CNTNAP3: variants seen among roughly 807,000 people sequenced by gnomAD.
CNTNAP3 encodes the protein contactin-associated protein-like 3.
In CNTNAP3, 36 loss-of-function variants were observed where a neutral mutation model predicts 92.1. The ratio of observed to expected loss-of-function variants is 0.39; its 90% CI spans 0.30 to 0.52. CNTNAP3 has a LOEUF of 0.52. Among genes scored for constraint, CNTNAP3 ranks in the 20% least tolerant of loss-of-function variants. CNTNAP3 has a pLI of 0.76. For missense variants in CNTNAP3, 534 were observed against 1,069.6 expected (o/e 0.50, Z 6.98); for synonymous variants, 232 against 422.3 (o/e 0.55, Z 5.53).
rs1318955016 is a variant in CNTNAP3, at chr9:39,071,157, A to G, written c.*2733T>C. Reference sequence around the variant, plus strand: ...ATGACTTATCCTACTCCATGTCTCTATTACAATGAAAGATCATACACAGTC... The same window carrying G: ...ATGACTTATCCTACTCCATGTCTCTGTTACAATGAAAGATCATACACAGTC... On this transcript the variant is annotated 3_prime_UTR_variant, in exon 24 of 24. Coordinates refer to ENST00000297668, the MANE Select transcript of CNTNAP3 (RefSeq NM_033655.5). Among the ~76,000 whole-genome samples, 1 of 152,136 alleles carries G rather than the reference A, an allele frequency of 6.6e-6. No individual in the cohort carries two copies. The highest frequency in any genetic ancestry group is 2.4e-5 in the African/African-American group (1 of 41,412).
At chr9:39,092,738 CGTTTTT>C (rs1826234743) in intron 18 of CNTNAP3, among the ~76,000 whole-genome samples, 1 of 135,886 alleles carries the variant, frequency 7.4e-6, no homozygotes, top group African/African-American at 2.7e-5. Context: ...AGAATGATTG[CGTTTTT>C]ATTTTTTTCA....
chr9:39,087,641 C>T (rs1016136192), intron 19 of CNTNAP3, among the ~76,000 whole-genome samples: 1 of 152,132 alleles, frequency 6.6e-6, no homozygotes, highest in African/African-American at 2.4e-5. Context: ...TGCCCACCAC[C>T]ATGCCCGGCT....
In CNTNAP3 at chr9:39,114,035, T is replaced by TACACACACAC. The variant is rs767827479; in HGVS notation, c.2237+4058_2237+4067dup. On this transcript the variant is annotated intron_variant, in intron 14 of 23. Transcript: ENST00000297668. ...ACACACATATATATACACACATATA[T>TACACACACAC]ACACACACACACACACACACATATA... Among the ~76,000 whole-genome samples the TACACACACAC allele has an allele frequency of 1.8e-3, 258 of 141,528 alleles. 2 individuals carry two copies. Among genetic ancestry groups the TACACACACAC allele is most frequent in the African/African-American group, 6.7e-3 (242 of 36,028 alleles). 92.8% of individuals were successfully genotyped at this position (141,528 alleles called of 152,430 possible).
intron 12 of CNTNAP3, among the ~76,000 whole-genome samples, chr9:39,138,565 C>G (rs1821497561): frequency 6.6e-6 from 1 of 152,318 alleles, no homozygotes; most frequent in Middle Eastern, 3.4e-3. Context: ...TGGTGTACTT[C>G]AAGATGGTTC....
At position 39,066,863 on chromosome 9, in the gene CNTNAP3, T is replaced by C; in HGVS notation, c.*7027A>G. Among the ~76,000 whole-genome samples, 1 of 152,258 alleles carries C rather than the reference T, an allele frequency of 6.6e-6. No individual in the cohort carries two copies. The highest frequency in any genetic ancestry group is 1.5e-5 in the Non-Finnish European group (1 of 68,044). On this transcript the variant is annotated 3_prime_UTR_variant, in exon 24 of 24. Transcript: ENST00000297668. ...TCTTAATAGCACCCCTACTTGGGGATGTTGAGCTGGGTCTGTGGGTTTATA... is the reference window on the plus strand; with the variant it reads ...TCTTAATAGCACCCCTACTTGGGGACGTTGAGCTGGGTCTGTGGGTTTATA...
At chr9:39,108,280 C>A (rs543121022) in intron 15 of CNTNAP3, among the ~76,000 whole-genome samples, 16 of 152,070 alleles carry the variant, frequency 1.1e-4, no homozygotes, top group Admixed American at 3.3e-4. Flanking sequence ...GGTCCCCCCC[C>A]TCTCTGGGGA....
chr9:39,168,183 A>AT (rs1049354911), intron 8 of CNTNAP3, among the ~76,000 whole-genome samples: 4 of 133,444 alleles, frequency 3.0e-5, no homozygotes, highest in South Asian at 4.9e-4. Context: ...CGCCTGGCTA[A>AT]TTTTTTTGTA....
rs533693353 is a variant in CNTNAP3 at position 39,128,270 on chromosome 9, C to T, written c.2080+4662G>A. ...AGGCAGTATTGTCCTGATACTGAAA[C>T]CAGATAAAGACAATATGAAAAAAGA... On this transcript the variant is annotated intron_variant, in intron 13 of 23. Transcript: ENST00000297668. Among the ~76,000 whole-genome samples, 10 of 151,692 alleles carry T rather than the reference C, an allele frequency of 6.6e-5. No individual in the cohort carries two copies. In the South Asian group the frequency reaches 8.3e-4, roughly 13 times the overall value.
intron 15 of CNTNAP3, among the ~76,000 whole-genome samples, chr9:39,105,352 G>A (rs1348617013): frequency 2.6e-5 from 4 of 152,250 alleles, no homozygotes; most frequent in South Asian, 2.1e-4. Flanking sequence ...GAGTGAACCC[G>A]GGAGGCGGAG....
rs1342343507 is a variant in CNTNAP3, at chr9:39,081,576, G to A, written c.3443-2656C>T. On this transcript the variant is annotated intron_variant, in intron 21 of 23. Coordinates refer to ENST00000297668, the MANE Select transcript of CNTNAP3 (RefSeq NM_033655.5). ...GTCAAAAGAATGGATCTCTAATACA[G>A]AATTTGAAATACTGGCACTTGACGT... is the stretch of plus-strand genomic sequence containing the variant. Among the ~76,000 whole-genome samples, 12 of 150,768 alleles carry A rather than the reference G, an allele frequency of 8.0e-5. No homozygotes were observed. In the East Asian group the frequency reaches 2.4e-3, roughly 30 times the overall value.
chr9:39,128,790 T>TA (rs945048458), intron 13 of CNTNAP3, among the ~76,000 whole-genome samples: 2 of 150,126 alleles, frequency 1.3e-5, no homozygotes, highest in Non-Finnish European at 3.0e-5. Flanking sequence ...CCAAGGAAAC[T>TA]AAAAAAAAAT....
chr9:39,125,826 T>C (rs1821141810), intron 13 of CNTNAP3, among the ~76,000 whole-genome samples: 1 of 151,980 alleles, frequency 6.6e-6, no homozygotes, highest in Non-Finnish European at 1.5e-5. Flanking sequence ...AGAGTCAAAA[T>C]ATATTAGGGG....
intron 19 of CNTNAP3, among the ~76,000 whole-genome samples, chr9:39,087,214 T>C (rs755110500): frequency 6.6e-6 from 1 of 152,234 alleles, no homozygotes; most frequent in Non-Finnish European, 1.5e-5. Flanking sequence ...CTATGCAATA[T>C]TGTATCAACA....
intron 13 of CNTNAP3, among the ~76,000 whole-genome samples, chr9:39,129,810 T>A (rs1267047875): frequency 8.6e-5 from 13 of 151,950 alleles, no homozygotes; most frequent in Non-Finnish European, 1.6e-4. Context: ...AACAATCCAA[T>A]TAGAAAATGA....
intron 13 of CNTNAP3, among the ~76,000 whole-genome samples, chr9:39,119,280 C>G (rs1445284730): frequency 6.7e-6 from 1 of 149,364 alleles, no homozygotes; most frequent in Non-Finnish European, 1.5e-5. Context: ...CTTATTACAA[C>G]TCAATTATAA....
At chr9:39,114,067 T>TAC (rs997518935) in intron 14 of CNTNAP3, among the ~76,000 whole-genome samples, 14 of 143,770 alleles carry the variant, frequency 9.7e-5, no homozygotes, top group South Asian at 2.2e-4. Context: ...TATATATATA[T>TAC]ACACACACAC....
rs878898260 is a variant in CNTNAP3 at position 39,066,917 on chromosome 9, G to A, written c.*6973C>T. Among the ~76,000 whole-genome samples, 2 of 142,870 alleles carry A rather than the reference G, an allele frequency of 1.4e-5. No individual in the cohort carries two copies. Among genetic ancestry groups the A allele is most frequent in the Non-Finnish European group, 3.1e-5 (2 of 65,126 alleles). The allele number at this position is 142,870 out of a possible 152,430, so 93.7% of individuals were successfully genotyped here. A position where few individuals can be genotyped will look rare whatever the true frequency, so the allele number is the denominator to read the frequency against. ...TGCATCAAATGTGGAAAATGCTTAT[G>A]TATTAATTTTTAAAAATATTTTTTT... On this transcript the variant is annotated 3_prime_UTR_variant, in exon 24 of 24. Transcript: ENST00000297668.
intron 13 of CNTNAP3, among the ~76,000 whole-genome samples, chr9:39,123,636 T>C (rs1821089837): frequency 6.6e-6 from 1 of 152,052 alleles, no homozygotes; most frequent in Non-Finnish European, 1.5e-5. Flanking sequence ...GAAGACTTTC[T>C]TAAAATTAAA....
Position 39,135,059 on chromosome 9 carries a change from G to A in CNTNAP3, c.1877-1924C>T, listed in dbSNP as rs187961476. ...TCTGTAAAACTTGTTTTTCTGAAGA[G>A]TAGAATAGTAACCAGGGACATTATA... On this transcript the variant is annotated intron_variant, in intron 12 of 23. Coordinates refer to ENST00000297668, the MANE Select transcript of CNTNAP3 (RefSeq NM_033655.5). 3.8e-3 allele frequency among the ~76,000 whole-genome samples: 576 copies of A among 152,248 alleles called. 2 individuals carry two copies. Among genetic ancestry groups the A allele is most frequent in the African/African-American group, 0.013 (552 of 41,542 alleles).
Sources: allele counts gnomAD v4.1 joint callset (sites outside exome capture counted in the v4.1 genomes callset), GRCh38; gene constraint gnomAD v4.1.1; transcripts MANE v1.5; gene names NCBI Gene and HGNC (gene_info 2026-07-23, HGNC 2026-07-21).